The following CHST14 variants were observed in gnomAD, a reference collection of about 807,000 sequenced individuals.
CHST14 encodes the protein carbohydrate (N-acetylgalactosamine 4-0) sulfotransferase 14.
CHST14 carries 13 observed loss-of-function variants against 22.7 expected under a neutral mutation model. The ratio of observed to expected loss-of-function variants is 0.57; its 90% CI spans 0.37 to 0.91. The LOEUF (loss-of-function observed/expected upper bound fraction) is 0.91. Among genes scored for constraint, CHST14 ranks in the 40% least tolerant of loss-of-function variants. The pLI, the probability that CHST14 is intolerant of heterozygous loss-of-function variation, is 0.01. For missense variants in CHST14, 466 were observed against 513.1 expected (o/e 0.91, Z 0.89); for synonymous variants, 233 against 231.9 (o/e 1.00, Z -0.04).
chr15:40,472,418 G>T lies in CHST14; in HGVS notation c.*74G>T. The T allele has an allele frequency of 6.7e-7, 1 of 1,492,180 alleles. No individual in the cohort carries two copies. Among genetic ancestry groups the T allele is most frequent in the Non-Finnish European group, 9.0e-7 (1 of 1,106,126 alleles). 92.4% of individuals were successfully genotyped at this position (1,492,180 alleles called of 1,614,324 possible). On this transcript the variant is annotated 3_prime_UTR_variant, in exon 1 of 1. Coordinates refer to ENST00000306243, the MANE Select transcript of CHST14 (RefSeq NM_130468.4). ...TTTCTGTGCTTCTGCCTGTCATTCG[G>T]AGAAACTCTGGCTCTGGGGCTTGGG...
Position 40,471,848 on chromosome 15 carries a change from T to C in CHST14, c.635T>C (p.Val212Ala), listed in dbSNP as rs144629123. ...CAGCACTACTTTAAGTTCCTGTTTG[T>C]GCGGGAGCCCTTGGAACGCCTCCTC... ...RLQHYFKFLF[V>A]REPLERLLSA... The change falls in exon 1 of 1, where the codon GTG becomes GCG. Residue 212 changes from valine to alanine, a missense_variant. Transcript: ENST00000306243. The surrounding 1 kb of genome is among the most constrained non-coding windows in gnomAD (Gnocchi z 6.4). 3.2e-4 allele frequency: 520 copies of C among 1,613,726 alleles called. 2 individuals are homozygous for C. Among genetic ancestry groups the C allele is most frequent in the Non-Finnish European group, 2.6e-4 (309 of 1,180,024 alleles).
Position 40,471,749 on chromosome 15 carries a change from G to A in CHST14, c.536G>A (p.Arg179His). The change falls in exon 1 of 1, where the codon CGC becomes CAC. Residue 179 changes from arginine to histidine, a missense_variant. Transcript: ENST00000306243. This position sits in a 1 kb window ranked among gnomAD's most constrained non-coding sequence, Gnocchi z 6.4. ...LAGVLDSVDV[R>H]LKMDHRSDLV... is the part of the protein sequence containing the mutation. ...GGCGTCCTGGACAGCGTGGACGTCCGCCTCAAGATGGACCACCGCAGTGAC... is the reference window on the plus strand; with the variant it reads ...GGCGTCCTGGACAGCGTGGACGTCCACCTCAAGATGGACCACCGCAGTGAC... 1.9e-6 allele frequency: 3 copies of A among 1,613,576 alleles called. No homozygotes were observed. Among genetic ancestry groups the A allele is most frequent in the Admixed American group, 1.7e-5 (1 of 60,032 alleles).
Position 40,472,044 on chromosome 15 carries a change from G to C in CHST14, c.831G>C (p.Glu277Asp). The C allele has an allele frequency of 2.5e-6, 4 of 1,614,216 alleles. No individual in the cohort carries two copies. The highest frequency in any genetic ancestry group is 2.5e-6 in the Non-Finnish European group (3 of 1,180,040). Reference sequence around the variant, plus strand: ...ATGAGGACCCTGAGCGCATGAATGAGCATTGGATGCCCGTGTACCACCTGT... The same window carrying C: ...ATGAGGACCCTGAGCGCATGAATGACCATTGGATGCCCGTGTACCACCTGT... Reference protein sequence around the residue: ...LVDEDPERMNEHWMPVYHLCQ... With the variant: ...LVDEDPERMNDHWMPVYHLCQ... The change falls in exon 1 of 1, where the codon GAG (glutamate) becomes GAC (aspartate). Residue 277 changes from glutamate (E) to aspartate (D), a missense_variant. By Grantham distance (45) the Glu-to-Asp change is conservative (BLOSUM62 2). Coordinates refer to ENST00000306243, the MANE Select transcript of CHST14 (RefSeq NM_130468.4).
At position 40,471,061 on chromosome 15, in the gene CHST14, C is replaced by T; in HGVS notation, c.-153C>T. 1 of 375,558 alleles carries T rather than the reference C, an allele frequency of 2.7e-6. No homozygotes were observed. Among genetic ancestry groups the T allele is most frequent in the Non-Finnish European group, 4.6e-6 (1 of 215,610 alleles). The allele number at this position is 375,558 out of a possible 1,614,324, so 23.3% of individuals were successfully genotyped here. A position where few individuals can be genotyped will look rare whatever the true frequency, so the allele number is the denominator to read the frequency against. ...CCGCTTCGGCGCCGCAGCCCGGGAG[C>T]CGGCCACCCCTACACGCGCCAGGGC... is the stretch of plus-strand genomic sequence containing the variant. On this transcript the variant is annotated 5_prime_UTR_variant, in exon 1 of 1. Transcript: ENST00000306243. This position sits in a 1 kb window ranked among gnomAD's most constrained non-coding sequence, Gnocchi z 6.4.
Position 40,471,268 on chromosome 15 carries a change from G to T in CHST14, c.55G>T (p.Gly19Cys). 6.7e-7 allele frequency: 1 copy of T among 1,498,156 alleles called. No individual in the cohort carries two copies. Among genetic ancestry groups the T allele is most frequent in the South Asian group, 1.2e-5 (1 of 80,322 alleles). 92.8% of individuals were successfully genotyped at this position (1,498,156 alleles called of 1,614,324 possible). Residue 19 changes from glycine to cysteine, a missense_variant, in exon 1 of 1, where the codon GGC (glycine) becomes TGC (cysteine). Physicochemically the swap from Gly to Cys is radical, Grantham distance 159. Transcript: ENST00000306243. This position sits in a 1 kb window ranked among gnomAD's most constrained non-coding sequence, Gnocchi z 6.4. ...LAAPNGAEPL[G>C]RALRRAPLGR... Reference sequence around the variant, plus strand: ...GGCCCCAAATGGCGCCGAGCCCCTGGGCCGGGCGCTGAGGCGGGCCCCTCT... The same window carrying T: ...GGCCCCAAATGGCGCCGAGCCCCTGTGCCGGGCGCTGAGGCGGGCCCCTCT...
At position 40,471,286 on chromosome 15, in the gene CHST14, G is replaced by A. The variant is rs1348903599; in HGVS notation, c.73G>A (p.Ala25Thr). The A allele has an allele frequency of 4.0e-6, 6 of 1,513,802 alleles. No homozygotes were observed. The highest frequency in any genetic ancestry group is 1.4e-5 in the African/African-American group (1 of 69,578). The allele number at this position is 1,513,802 out of a possible 1,614,324, so 93.8% of individuals were successfully genotyped here. ...AEPLGRALRR[A>T]PLGRARAGLG... is the part of the protein sequence containing the mutation. ...GCCCCTGGGCCGGGCGCTGAGGCGG[G>A]CCCCTCTGGGCAGGGCCCGGGCGGG... Residue 25 changes from alanine to threonine, a missense_variant, in exon 1 of 1, where the codon GCC becomes ACC. Transcript: ENST00000306243. This position sits in a 1 kb window ranked among gnomAD's most constrained non-coding sequence, Gnocchi z 6.4.
In CHST14 at chr15:40,471,942, GC is replaced by G. The variant is rs771423746; in HGVS notation, c.730del (p.Arg244GlyfsTer21). On this transcript the variant is annotated frameshift_variant, in exon 1 of 1. Transcript: ENST00000306243. LOFTEE classifies it high-confidence loss of function. This position sits in a 1 kb window ranked among gnomAD's most constrained non-coding sequence, Gnocchi z 6.4. ...AACGCTATGGGGCTGAGATAGTGAG[GC>G]GGTACAGGGCTGGAGCGGGGCCCAG... ...QQRYGAEIVRRYRAGAGPSPA... is the reference protein window; with the variant it reads ...QQRYGAEIVRXYRAGAGPSPA... 1 of 1,614,088 alleles carries G rather than the reference GC, an allele frequency of 6.2e-7. No homozygotes were observed. Among genetic ancestry groups the G allele is most frequent in the Non-Finnish European group, 8.5e-7 (1 of 1,180,034 alleles).
chr15:40,472,373 G>A lies in CHST14; in HGVS notation c.*29G>A. On this transcript the variant is annotated 3_prime_UTR_variant, in exon 1 of 1. Transcript: ENST00000306243. ...TGGGTGTGGGGCCAGCAGCTGGTGG[G>A]GACTGGTTTCAACGCCAGCTTTCTG... The A allele has an allele frequency of 6.4e-7, 1 of 1,573,450 alleles. No homozygotes were observed. The highest frequency in any genetic ancestry group is 1.2e-5 in the South Asian group (1 of 84,462).
Position 40,471,172 on chromosome 15 carries a change from C to T in CHST14, c.-42C>T. On this transcript the variant is annotated 5_prime_UTR_variant, in exon 1 of 1. Coordinates refer to ENST00000306243, the MANE Select transcript of CHST14 (RefSeq NM_130468.4). The surrounding 1 kb of genome is among the most constrained non-coding windows in gnomAD (Gnocchi z 6.4). ...CCGAGCCCGCCTTCCAGGCCGCCCT[C>T]GGATCGGCCGGGCCCGCGCAGGCCC... 2 of 1,265,762 alleles carry T rather than the reference C, an allele frequency of 1.6e-6. No homozygotes were observed. The highest frequency in any genetic ancestry group is 2.3e-5 in the South Asian group (1 of 44,240). 78.4% of individuals were successfully genotyped at this position (1,265,762 alleles called of 1,614,324 possible). A position where few individuals can be genotyped will look rare whatever the true frequency, so the allele number is the denominator to read the frequency against.
In CHST14 at chr15:40,471,237, G is replaced by A; in HGVS notation, c.24G>A (p.Pro8=). Residue 8 remains proline, a synonymous_variant, in exon 1 of 1, where the codon CCG becomes CCA. Transcript: ENST00000306243. This position sits in a 1 kb window ranked among gnomAD's most constrained non-coding sequence, Gnocchi z 6.4. The stretch of plus-strand genomic sequence containing the variant: ...CCATGTTCCCCCGCCCGCTGACCCC[G>A]CTGGCGGCCCCAAATGGCGCCGAGC... MFPRPLT[P]LAAPNGAEPL... 2 of 1,422,420 alleles carry A rather than the reference G, an allele frequency of 1.4e-6. No individual in the cohort carries two copies. The highest frequency in any genetic ancestry group is 1.5e-5 in the African/African-American group (1 of 65,758). 88.1% of individuals were successfully genotyped at this position (1,422,420 alleles called of 1,614,324 possible). A position where few individuals can be genotyped will look rare whatever the true frequency, so the allele number is the denominator to read the frequency against.
rs753113475 is a variant in CHST14, at chr15:40,472,515, T to A, written c.*171T>A. The stretch of plus-strand genomic sequence containing the variant: ...GTCCAGGGTGGGCACCCACAGTGAC[T>A]CAGAGGACAGGGCTAGGCAGGAGAC... On this transcript the variant is annotated 3_prime_UTR_variant, in exon 1 of 1. Transcript: ENST00000306243. The A allele has an allele frequency of 1.4e-4, 101 of 710,522 alleles. No individual in the cohort carries two copies. The highest frequency in any genetic ancestry group is 2.3e-4 in the Non-Finnish European group (98 of 422,792). 44.0% of individuals were successfully genotyped at this position (710,522 alleles called of 1,614,324 possible). A position where few individuals can be genotyped will look rare whatever the true frequency, so the allele number is the denominator to read the frequency against.
chr15:40,472,649 G>A lies in CHST14; in HGVS notation c.*305G>A, dbSNP rs911809472. 6.2e-5 allele frequency: 25 copies of A among 401,020 alleles called. No homozygotes were observed. The highest frequency in any genetic ancestry group is 1.2e-4 in the Non-Finnish European group (25 of 212,886). The allele number at this position is 401,020 out of a possible 1,614,324, so 24.8% of individuals were successfully genotyped here. ...CCAGACCCCGGGCTGCCAGGATTAT[G>A]CAGTCCACTTGGTCTACCTTAATTT... On this transcript the variant is annotated 3_prime_UTR_variant, in exon 1 of 1. Transcript: ENST00000306243.
Sources: gnomAD v4.1 joint callset for allele counts on GRCh38, gnomAD v4.1.1 for gene constraint, Gnocchi (gnomAD v3.1) non-coding constraint, MANE v1.5 for transcripts, NCBI Gene and HGNC (gene_info 2026-07-23, HGNC 2026-07-21) for gene names.